Variants in WDFY2 observed in about 807,000 individuals in gnomAD.
The protein encoded by WDFY2 is WD repeat and FYVE domain containing 2.
Under a neutral mutation model 56.4 loss-of-function variants are expected in WDFY2, and 36 were observed. The observed-to-expected ratio is 0.64, with a 90% confidence interval of 0.49 to 0.84. The LOEUF (loss-of-function observed/expected upper bound fraction) is 0.84, where lower values mean the gene tolerates loss of function less well. WDFY2 is among the 40% of genes least tolerant of loss of function. The pLI, the probability that WDFY2 is intolerant of heterozygous loss-of-function variation, is 0.00. For synonymous variants in WDFY2, 176 were observed against 183.7 expected (o/e 0.96, Z 0.34); for missense variants, 444 against 512.2 (o/e 0.87, Z 1.29).
intron 3 of WDFY2, among the ~76,000 whole-genome samples, chr13:51,690,572 C>T (rs1956135669): frequency 6.6e-6 from 1 of 152,062 alleles, no homozygotes; most frequent in Non-Finnish European, 1.5e-5. Context: ...ATATGTGCCA[C>T]ATTTTCTTAA....
At chr13:51,738,639 C>A (rs1448780715) in intron 6 of WDFY2, among the ~76,000 whole-genome samples, 4 of 152,144 alleles carry the variant, frequency 2.6e-5, no homozygotes, top group African/African-American at 9.7e-5. Context: ...AATAAAAAAT[C>A]TAATTGAGCA....
intron 4 of WDFY2, among the ~76,000 whole-genome samples, chr13:51,714,608 C>T (rs1277445286): frequency 6.6e-6 from 1 of 152,082 alleles, no homozygotes; most frequent in Non-Finnish European, 1.5e-5. Context: ...ACCCTCTTAA[C>T]AGTGTTGGTG....
chr13:51,685,577 A>G (rs1357882833), intron 3 of WDFY2, among the ~76,000 whole-genome samples: 3 of 152,170 alleles, frequency 2.0e-5, no homozygotes, highest in South Asian at 4.1e-4. Flanking sequence ...TAAGGAAGGA[A>G]AAGTATGTTT....
chr13:51,640,600 G>A (rs1955136547), intron 1 of WDFY2, among the ~76,000 whole-genome samples: 1 of 152,168 alleles, frequency 6.6e-6, no homozygotes, highest in South Asian at 2.1e-4. Flanking sequence ...TATAATCTCA[G>A]CACTTTAGGA....
chr13:51,751,693 T>C (rs1282381450), intron 8 of WDFY2, among the ~76,000 whole-genome samples: 2 of 152,176 alleles, frequency 1.3e-5, no homozygotes, highest in African/African-American at 4.8e-5. Context: ...AAAGAAACCA[T>C]CTATTTCCTG....
At chr13:51,629,826 C>CTTTTTTTTTTTTTTTTTTTTTT (rs11432630) in intron 1 of WDFY2, among the ~76,000 whole-genome samples, 1 of 125,142 alleles carries the variant, frequency 8.0e-6, no homozygotes, top group African/African-American at 3.0e-5. Context: ...TCTTTCTTTT[C>CTTTTTTTTTTTTTTTTTTTTTT]TTTTTTTTTT....
chr13:51,612,412 A>T (rs1294091291), intron 1 of WDFY2, among the ~76,000 whole-genome samples: 1 of 152,192 alleles, frequency 6.6e-6, no homozygotes, highest in Non-Finnish European at 1.5e-5. Context: ...AACTTTTCTT[A>T]ACTTGGCTGA....
rs573791064 is a variant in WDFY2, at chr13:51,715,506, G to A, written c.335-3692G>A. On this transcript the variant is annotated intron_variant, in intron 4 of 11. Coordinates refer to ENST00000298125, the MANE Select transcript of WDFY2 (RefSeq NM_052950.4). ...CTCGTCCCACTGGAAGGTCTTCGGG[G>A]CCATAACACCCATGGACCTGTCACC... 1.1e-4 allele frequency among the ~76,000 whole-genome samples: 17 copies of A among 152,204 alleles called. 2 individuals are homozygous for A. In the South Asian group the frequency reaches 3.3e-3, roughly 30 times the overall value.
intron 6 of WDFY2, among the ~76,000 whole-genome samples, chr13:51,728,861 C>G (rs538417153): frequency 1.7e-4 from 26 of 152,102 alleles, no homozygotes; most frequent in African/African-American, 6.0e-4. Context: ...AAGACTGGGC[C>G]TGGGGTTCTG....
chr13:51,737,042 T>C (rs947604276), intron 6 of WDFY2, among the ~76,000 whole-genome samples: 1 of 152,170 alleles, frequency 6.6e-6, no homozygotes. Context: ...TCACGTGTTA[T>C]ATAGGGGAAA....
chr13:51,660,201 TTA>T lies in WDFY2; in HGVS notation c.138-393_138-392del, dbSNP rs1398633728. On this transcript the variant is annotated intron_variant, in intron 1 of 11. Transcript: ENST00000298125. ...TATGTTAAGATATTCTCTCTCTCTC[TTA>T]TGTTTTTTTTTAAGACGGAGTTTCT... Among the ~76,000 whole-genome samples the T allele has an allele frequency of 4.6e-5, 7 of 152,106 alleles. No homozygotes were observed. The South Asian group carries it at 1.0e-3, about 23-fold the overall frequency.
At chr13:51,673,553 T>C (rs1052967072) in intron 2 of WDFY2, among the ~76,000 whole-genome samples, 1 of 152,262 alleles carries the variant, frequency 6.6e-6, no homozygotes, top group African/African-American at 2.4e-5. Context: ...CCTGTACTTA[T>C]GTGTGTATGT....
At chr13:51,619,891 G>A (rs1001348210) in intron 1 of WDFY2, among the ~76,000 whole-genome samples, 4 of 152,368 alleles carry the variant, frequency 2.6e-5, no homozygotes, top group Admixed American at 1.3e-4. Context: ...GCTGCCTATA[G>A]TTGGCTGAGA....
chr13:51,718,556 TCATA>T (rs1203356656), intron 4 of WDFY2, among the ~76,000 whole-genome samples: 5 of 99,892 alleles, frequency 5.0e-5, no homozygotes, highest in East Asian at 5.5e-4. Flanking sequence ...TTATTATCAT[TCATA>T]CACACACACA....
chr13:51,695,420 T>G lies in WDFY2; in HGVS notation c.280-8176T>G, dbSNP rs1382302204. ...GTAACAGACAGGACCCTCAGCTGTA[T>G]GTCTGTTGGAGTTTGCTAGAGGTCC... On this transcript the variant is annotated intron_variant, in intron 3 of 11. Coordinates refer to ENST00000298125, the MANE Select transcript of WDFY2 (RefSeq NM_052950.4). 7.9e-5 allele frequency among the ~76,000 whole-genome samples: 12 copies of G among 152,342 alleles called. No homozygotes were observed. The South Asian group carries it at 1.2e-3, about 16-fold the overall frequency.
intron 8 of WDFY2, among the ~76,000 whole-genome samples, chr13:51,753,944 T>C (rs1953299094): frequency 6.7e-6 from 1 of 150,266 alleles, no homozygotes; most frequent in Admixed American, 6.7e-5. Context: ...AAAAAAAAAA[T>C]TAGCCAGGCA....
At chr13:51,678,472 T>C (rs757470429) in intron 3 of WDFY2, among the ~76,000 whole-genome samples, 3 of 152,238 alleles carry the variant, frequency 2.0e-5, no homozygotes, top group Admixed American at 6.6e-5. Flanking sequence ...AAAATGTTTT[T>C]CAAAATAGAA....
intron 7 of WDFY2, among the ~76,000 whole-genome samples, chr13:51,745,738 TAAAAA>T (rs34880965): frequency 1.2e-5 from 1 of 86,328 alleles, no homozygotes; most frequent in Non-Finnish European, 2.1e-5. Flanking sequence ...ATCCTTCATT[TAAAAA>T]AAAAAAAAAA....
At chr13:51,606,006 G>A (rs572225899) in intron 1 of WDFY2, among the ~76,000 whole-genome samples, 14 of 152,318 alleles carry the variant, frequency 9.2e-5, no homozygotes, top group Admixed American at 7.2e-4. Flanking sequence ...GCACAATGCA[G>A]AGATGGCAAA....
Sources: allele counts gnomAD v4.1 joint callset (sites outside exome capture counted in the v4.1 genomes callset), GRCh38; gene constraint gnomAD v4.1.1; transcripts MANE v1.5; gene names NCBI Gene and HGNC (gene_info 2026-07-23, HGNC 2026-07-21).